The following CAP2 variants were observed in gnomAD, a reference collection of about 807,000 sequenced individuals.
The protein encoded by CAP2 is adenylyl cyclase-associated protein 2.
In CAP2, 24 loss-of-function variants were observed where a neutral mutation model predicts 57.7. The observed-to-expected ratio is 0.42, with a 90% confidence interval of 0.30 to 0.58. The LOEUF (loss-of-function observed/expected upper bound fraction) is 0.58, where lower values mean the gene tolerates loss of function less well. CAP2 is among the 20% of genes least tolerant of loss of function. The probability of loss-of-function intolerance (pLI) is 0.22; values close to 1 mark genes in which losing one functional copy is unlikely to be tolerated. For synonymous variants in CAP2, 194 were observed against 207.2 expected, an observed-to-expected ratio of 0.94 and a Z score of 0.55; for missense variants, 501 against 590.3, an observed-to-expected ratio of 0.85 and a Z score of 1.57.
At chr6:17,525,576 T>C (rs1189276433) in intron 7 of CAP2, among the ~76,000 whole-genome samples, 1 of 152,204 alleles carries the variant, frequency 6.6e-6, no homozygotes. Context: ...ATAGCACTTC[T>C]TATACTCTCC....
chr6:17,551,193 T>A (rs896059196), intron 11 of CAP2, among the ~76,000 whole-genome samples: 2 of 152,236 alleles, frequency 1.3e-5, no homozygotes, highest in Non-Finnish European at 2.9e-5. Flanking sequence ...TAGCTGCTGT[T>A]TCCAAATTAA....
chr6:17,552,909 G>A (rs1315999876), intron 12 of CAP2, among the ~76,000 whole-genome samples: 2 of 151,946 alleles, frequency 1.3e-5, no homozygotes, highest in African/African-American at 2.4e-5. Context: ...TACATTACAG[G>A]CCAGAATTCA....
chr6:17,402,748 A>G (rs925033880), intron 1 of CAP2, among the ~76,000 whole-genome samples: 2 of 152,224 alleles, frequency 1.3e-5, no homozygotes, highest in African/African-American at 2.4e-5. Context: ...GTTTATTTGC[A>G]TGTCTGTATG....
At chr6:17,433,414 T>A (rs1363446365) in intron 3 of CAP2, among the ~76,000 whole-genome samples, 1 of 152,212 alleles carries the variant, frequency 6.6e-6, no homozygotes, top group African/African-American at 2.4e-5. Context: ...CCCACCACCC[T>A]TGTGGTAATT....
Position 17,403,262 on chromosome 6 carries a change from C to T in CAP2, c.-2+9516C>T, listed in dbSNP as rs563871633. Among the ~76,000 whole-genome samples the T allele has an allele frequency of 5.3e-5, 8 of 152,250 alleles. No homozygotes were observed. The East Asian group carries it at 9.7e-4, about 18-fold the overall frequency. On this transcript the variant is annotated intron_variant, in intron 1 of 12. Transcript: ENST00000229922. ...GACTACAGGCGCGAGCCACCATGCC[C>T]GGCTAATTTTTTGTACTTTTAGTAG...
At chr6:17,419,344 C>T (rs1442133753) in intron 1 of CAP2, among the ~76,000 whole-genome samples, 1 of 152,166 alleles carries the variant, frequency 6.6e-6, no homozygotes, top group Non-Finnish European at 1.5e-5. Context: ...GCATGCTGTT[C>T]CTCTTTTGCT....
chr6:17,416,729 C>G (rs966563090), intron 1 of CAP2, among the ~76,000 whole-genome samples: 1 of 152,206 alleles, frequency 6.6e-6, no homozygotes, highest in South Asian at 2.1e-4. Flanking sequence ...ATGGTTAGCA[C>G]TTATGACACA....
In CAP2 at chr6:17,477,118, G is replaced by A. The variant is rs1215182477; in HGVS notation, c.300+14045G>A. Among the ~76,000 whole-genome samples, 3 of 151,946 alleles carry A rather than the reference G, an allele frequency of 2.0e-5. No homozygotes were observed. In the South Asian group the frequency reaches 6.2e-4, roughly 32 times the overall value. The stretch of plus-strand genomic sequence containing the variant: ...TCTCCTGACCTCAGGTGATCTGCCC[G>A]GCCTTTCGGCCTCCCAAAGTGCTGG... On this transcript the variant is annotated intron_variant, in intron 4 of 12. Transcript: ENST00000229922.
intron 6 of CAP2, among the ~76,000 whole-genome samples, chr6:17,509,026 A>G (rs1762070353): frequency 6.6e-6 from 1 of 152,078 alleles, no homozygotes; most frequent in African/African-American, 2.4e-5. Context: ...AAGTGTTGGG[A>G]TTGTAGGCAT....
At chr6:17,496,207 T>A (rs1203122131) in intron 4 of CAP2, among the ~76,000 whole-genome samples, 2 of 152,048 alleles carry the variant, frequency 1.3e-5, no homozygotes, top group Non-Finnish European at 2.9e-5. Context: ...TATAGCAGCA[T>A]CTCCCTGGGT....
chr6:17,428,265 A>G (rs1759639531), intron 3 of CAP2, among the ~76,000 whole-genome samples: 1 of 152,314 alleles, frequency 6.6e-6, no homozygotes, highest in East Asian at 1.9e-4. Flanking sequence ...GACACTTTTC[A>G]TATTTTAAAA....
chr6:17,504,937 A>G (rs1045589788), intron 4 of CAP2, among the ~76,000 whole-genome samples: 7 of 152,350 alleles, frequency 4.6e-5, no homozygotes, highest in Non-Finnish European at 7.3e-5. Context: ...TAATCTATAT[A>G]GATGTCTGTT....
intron 3 of CAP2, among the ~76,000 whole-genome samples, chr6:17,444,143 C>A (rs1760177098): frequency 6.6e-6 from 1 of 152,168 alleles, no homozygotes; most frequent in Non-Finnish European, 1.5e-5. Flanking sequence ...TTACAAGGTT[C>A]CAGAATTATG....
intron 3 of CAP2, 142 bp from the exon 4 acceptor site, chr6:17,462,854 C>T (rs1760762148): frequency 7.6e-6 from 5 of 656,316 alleles, no homozygotes; most frequent in African/African-American, 1.8e-5. Context: ...GATGCTGTTA[C>T]GAACATTCAT....
At chr6:17,434,223 CTTTTTTTCTTTCTT>C (rs1759814459) in intron 3 of CAP2, among the ~76,000 whole-genome samples, 1 of 144,930 alleles carries the variant, frequency 6.9e-6, no homozygotes, top group African/African-American at 2.8e-5. Flanking sequence ...TTTTTTTTCT[CTTTTTTTCTTTCTT>C]TTTTTTTTTG....
At chr6:17,531,443 C>T in intron 7 of CAP2, 1 of 1,548,670 alleles carries the variant, frequency 6.5e-7, no homozygotes, top group East Asian at 2.2e-5. Context: ...AATTTCAGTT[C>T]TGTACATCTG....
chr6:17,496,507 G>A (rs1761673093), intron 4 of CAP2, among the ~76,000 whole-genome samples: 1 of 150,342 alleles, frequency 6.7e-6, no homozygotes, highest in Non-Finnish European at 1.5e-5. Flanking sequence ...TTCTTTTTTT[G>A]TAAAGATGCA....
chr6:17,407,268 GT>G (rs1366220151), intron 1 of CAP2, among the ~76,000 whole-genome samples: 1 of 152,166 alleles, frequency 6.6e-6, no homozygotes, highest in Non-Finnish European at 1.5e-5. Flanking sequence ...AGAACCTGTA[GT>G]TTTTTAGTGG....
intron 3 of CAP2, among the ~76,000 whole-genome samples, chr6:17,436,760 A>G (rs1486702330): frequency 3.9e-5 from 6 of 152,078 alleles, no homozygotes; most frequent in Non-Finnish European, 8.8e-5. Context: ...TGCTGATGCC[A>G]TCTATGTCAG....
Sources: gnomAD v4.1 joint callset for allele counts (sites outside exome capture counted in the v4.1 genomes callset) on GRCh38, gnomAD v4.1.1 for gene constraint, MANE v1.5 for transcripts, NCBI Gene and HGNC (gene_info 2026-07-23, HGNC 2026-07-21) for gene names.